The following LTBP1 variants were observed in gnomAD, a reference collection of about 807,000 sequenced individuals.
LTBP1 encodes latent-transforming growth factor beta-binding protein 1.
In LTBP1, 129 loss-of-function variants were observed where a neutral mutation model predicts 207.6. That is an observed-to-expected ratio of 0.62 (90% confidence interval 0.54 to 0.72). LTBP1 has a LOEUF of 0.72. Ranked by LOEUF, LTBP1 falls within the 30% of genes least tolerant of loss-of-function variation. The pLI is 0.00. For synonymous variants in LTBP1, 963 were observed against 833.7 expected, an observed-to-expected ratio of 1.16 and a Z score of -2.67; for missense variants, 2,281 against 2,217.2, an observed-to-expected ratio of 1.03 and a Z score of -0.58.
At chr2:33,257,802 C>T (rs1323948677) in intron 12 of LTBP1, among the ~76,000 whole-genome samples, 4 of 152,206 alleles carry the variant, frequency 2.6e-5, no homozygotes, top group Non-Finnish European at 4.4e-5. Context: ...TAATTTAGAT[C>T]CTTCAGGGAA....
At position 33,002,826 on chromosome 2, in the gene LTBP1, T is replaced by A. The variant is rs1007589929; in HGVS notation, c.566-18083T>A. ...CCAAGTAGCTGGGACTACAGGTTCA[T>A]GCCACTATGCCTGGCTAATTTTTGT... On this transcript the variant is annotated intron_variant, in intron 2 of 33. Coordinates refer to ENST00000404816, the MANE Select transcript of LTBP1 (RefSeq NM_206943.4). Among the ~76,000 whole-genome samples, 11 of 152,128 alleles carry A rather than the reference T, an allele frequency of 7.2e-5. No individual in the cohort carries two copies. In the East Asian group the frequency reaches 7.7e-4, roughly 11 times the overall value.
chr2:33,055,584 A>G (rs1404014723), intron 3 of LTBP1, among the ~76,000 whole-genome samples: 15 of 152,282 alleles, frequency 9.9e-5, no homozygotes, highest in Non-Finnish European at 4.4e-5. Context: ...AGGTGTCTCC[A>G]AACTCTTGGG....
At chr2:33,297,417 T>G (rs1479861689) in intron 20 of LTBP1, among the ~76,000 whole-genome samples, 1 of 148,436 alleles carries the variant, frequency 6.7e-6, no homozygotes, top group Non-Finnish European at 1.5e-5. Flanking sequence ...ATTTATTTAT[T>G]TATTTATTTA....
chr2:33,198,205 G>A (rs1293149294), intron 7 of LTBP1, among the ~76,000 whole-genome samples: 1 of 152,150 alleles, frequency 6.6e-6, no homozygotes, highest in Non-Finnish European at 1.5e-5. Flanking sequence ...TACATTTATT[G>A]ATTTGCGTAT....
At chr2:33,398,045 A>G (rs1476785341) in intron 33 of LTBP1, among the ~76,000 whole-genome samples, 1 of 152,164 alleles carries the variant, frequency 6.6e-6, no homozygotes, top group Non-Finnish European at 1.5e-5. Flanking sequence ...TGACAAATCT[A>G]GCAGTTCCTC....
chr2:33,353,311 C>G (rs981699356), intron 26 of LTBP1, among the ~76,000 whole-genome samples: 1 of 152,094 alleles, frequency 6.6e-6, no homozygotes, highest in Non-Finnish European at 1.5e-5. Flanking sequence ...ATCTCTCAAG[C>G]CTTTTTAAAA....
chr2:33,398,360 G>A lies in LTBP1; in HGVS notation c.4985-4G>A. On this transcript the variant is annotated splice_polypyrimidine_tract_variant and splice_region_variant and intron_variant, in intron 33 of 33. Transcript: ENST00000404816. ...GTTTACCTGCATGGCTTGACTTATT[G>A]CAGATGTAAATGAATGCGATGAGTT... is the stretch of plus-strand genomic sequence containing the variant. The A allele has an allele frequency of 6.2e-7, 1 of 1,612,688 alleles. No homozygotes were observed. The highest frequency in any genetic ancestry group is 2.2e-5 in the East Asian group (1 of 44,856).
intron 26 of LTBP1, among the ~76,000 whole-genome samples, chr2:33,351,398 C>T (rs1406739630): frequency 6.6e-6 from 1 of 152,222 alleles, no homozygotes; most frequent in East Asian, 1.9e-4. Context: ...GACAACAAGA[C>T]ATCAAATTCT....
chr2:33,157,762 C>G (rs893510246), intron 5 of LTBP1, among the ~76,000 whole-genome samples: 1 of 152,286 alleles, frequency 6.6e-6, no homozygotes, highest in Non-Finnish European at 1.5e-5. Flanking sequence ...AAGCCAGTAT[C>G]TTTTTCCCAC....
At chr2:33,131,285 G>A (rs10189552) in intron 4 of LTBP1, among the ~76,000 whole-genome samples, 146,119 of 152,312 alleles carry the variant, frequency 0.96, 70,121 homozygotes, top group East Asian at 1. Context: ...TTGCGGGAGA[G>A]CTTGTGTCTA....
chr2:33,137,077 T>G (rs960358913), intron 5 of LTBP1, among the ~76,000 whole-genome samples: 4 of 152,246 alleles, frequency 2.6e-5, no homozygotes, highest in Admixed American at 1.3e-4. Context: ...GGACAATTTT[T>G]ATGATATTTC....
chr2:33,264,143 C>G (rs956466996), intron 15 of LTBP1, among the ~76,000 whole-genome samples: 9 of 150,872 alleles, frequency 6.0e-5, no homozygotes, highest in African/African-American at 2.2e-4. Flanking sequence ...GTAGTCCCAG[C>G]TACTTAGAAG....
chr2:33,282,065 A>T (rs1396159044), intron 19 of LTBP1, among the ~76,000 whole-genome samples: 2 of 39,444 alleles, frequency 5.1e-5, no homozygotes, highest in African/African-American at 3.6e-4. Flanking sequence ...ATATGTGCAT[A>T]TATATATATA....
intron 28 of LTBP1, among the ~76,000 whole-genome samples, chr2:33,361,978 T>G (rs1276589179): frequency 6.6e-6 from 1 of 152,130 alleles, no homozygotes; most frequent in East Asian, 1.9e-4. Context: ...TTGTGGGGCC[T>G]TTTACCAGTG....
chr2:32,950,660 A>G (rs1676963149), intron 2 of LTBP1, among the ~76,000 whole-genome samples: 1 of 151,864 alleles, frequency 6.6e-6, no homozygotes, highest in Non-Finnish European at 1.5e-5. Context: ...GTACCTGGGT[A>G]GGGGAGATTG....
At chr2:33,366,828 A>C (rs2094994539) in intron 31 of LTBP1, among the ~76,000 whole-genome samples, 1 of 152,238 alleles carries the variant, frequency 6.6e-6, no homozygotes, top group South Asian at 2.1e-4. Flanking sequence ...GAAATCACTA[A>C]GTTAATGTGA....
At chr2:33,254,530 C>T (rs907058683) in intron 11 of LTBP1, among the ~76,000 whole-genome samples, 2 of 113,858 alleles carry the variant, frequency 1.8e-5, no homozygotes, top group East Asian at 2.9e-4. Context: ...ATATTTAGTT[C>T]GTTAATTCTT....
chr2:33,052,913 C>T (rs542918668), intron 3 of LTBP1, among the ~76,000 whole-genome samples: 1 of 150,892 alleles, frequency 6.6e-6, no homozygotes, highest in South Asian at 2.1e-4. Flanking sequence ...TCACTCTTGT[C>T]ACCCAGGCTG....
chr2:32,959,612 TATA>T (rs1389898786), intron 2 of LTBP1, among the ~76,000 whole-genome samples: 3 of 55,872 alleles, frequency 5.4e-5, no homozygotes, highest in Non-Finnish European at 1.1e-4. Context: ...TATATATATA[TATA>T]TATATATTTT....
Sources: gnomAD v4.1 joint callset for allele counts (sites outside exome capture counted in the v4.1 genomes callset) on GRCh38, gnomAD v4.1.1 for gene constraint, MANE v1.5 for transcripts, NCBI Gene and HGNC (gene_info 2026-07-23, HGNC 2026-07-21) for gene names.